The following LRRC53 variants were observed in gnomAD, a reference collection of about 807,000 sequenced individuals.
The protein encoded by LRRC53 is leucine-rich repeat-containing protein 53.
A neutral mutation model predicts 13.6 loss-of-function variants in LRRC53; 25 were observed. The observed-to-expected ratio is 1.83, with a 90% CI of 1.34 to 2.56. The LOEUF is 2.56. Ranked by LOEUF, LRRC53 falls within the 30% of genes most tolerant of loss-of-function variation. LRRC53 has a pLI of 0.00. For synonymous variants in LRRC53, 204 were observed against 109.8 expected (o/e 1.86, Z -5.37); for missense variants, 527 against 275.8 (o/e 1.91, Z -6.45).
At chr1:74,497,920 G>C (rs1275246243) in intron 1 of LRRC53, among the ~76,000 whole-genome samples, 1 of 152,142 alleles carries the variant, frequency 6.6e-6, no homozygotes, top group Non-Finnish European at 1.5e-5. Flanking sequence ...TCTAAACAGA[G>C]AGTGATACTG....
At position 74,512,467 on chromosome 1, in the gene LRRC53, T is replaced by C. The variant is rs1670278084; in HGVS notation, c.-27+59A>G. The C allele has an allele frequency of 2.0e-5, 3 of 152,010 alleles. No individual in the cohort carries two copies. The South Asian group carries it at 6.2e-4, about 32-fold the overall frequency. 9.4% of individuals were successfully genotyped at this position (152,010 alleles called of 1,614,324 possible). A position where few individuals can be genotyped will look rare whatever the true frequency, so the allele number is the denominator to read the frequency against. ...TCTTTAAATGGTGAGGAAAGAGAAATAAAGGTGTAAAAATCCAGCCATCAT... is the reference window on the plus strand; with the variant it reads ...TCTTTAAATGGTGAGGAAAGAGAAACAAAGGTGTAAAAATCCAGCCATCAT... On this transcript the variant is annotated intron_variant, in intron 1 of 4. Coordinates refer to ENST00000294635, the MANE Select transcript of LRRC53 (RefSeq NM_001382280.1).
intron 1 of LRRC53, among the ~76,000 whole-genome samples, chr1:74,490,085 A>G (rs1668986688): frequency 6.6e-6 from 1 of 151,164 alleles, no homozygotes; most frequent in African/African-American, 2.4e-5. Flanking sequence ...AACTCAACTA[A>G]GAGTCATTGG....
Position 74,480,468 on chromosome 1 carries a change from G to A in LRRC53, c.589C>T (p.Pro197Ser), listed in dbSNP as rs1269613623. ...TGCTTCAGTGGAGTAAACACATCCG[G>A]CATGTGGGCTAACCTATTTCGGGAA... ...DLSRNRLAHM[P>S]DVFTPLKQLI... Residue 197 changes from proline (P) to serine (S), a missense_variant, in exon 3 of 5, where the codon CCG becomes TCG. Coordinates refer to ENST00000294635, the MANE Select transcript of LRRC53 (RefSeq NM_001382280.1). 2.8e-6 allele frequency: 2 copies of A among 717,488 alleles called. No homozygotes were observed. Among genetic ancestry groups the A allele is most frequent in the Admixed American group, 4.0e-5 (2 of 50,028 alleles). 44.4% of individuals were successfully genotyped at this position (717,488 alleles called of 1,614,324 possible).
chr1:74,529,683 C>A, the LRRC53 span, among the ~76,000 whole-genome samples: 24 of 152,170 alleles, frequency 1.6e-4, no homozygotes, highest in Non-Finnish European at 2.9e-5. Context: ...ATTAGATTGT[C>A]AACTTATCTC....
At chr1:74,492,332 C>A in intron 1 of LRRC53, 2 of 1,389,916 alleles carry the variant, frequency 1.4e-6, no homozygotes, top group Non-Finnish European at 1.9e-6. Context: ...AGACAGTCAA[C>A]TGATTTGATT....
chr1:74,515,565 G>A (rs959337510), upstream of LRRC53, among the ~76,000 whole-genome samples: 1 of 152,100 alleles, frequency 6.6e-6, no homozygotes, highest in African/African-American at 2.4e-5. Context: ...GTCTAATTAG[G>A]GCAGAAGTCA....
chr1:74,532,690 C>G, the LRRC53 span, among the ~76,000 whole-genome samples: 1 of 147,700 alleles, frequency 6.8e-6, no homozygotes, highest in African/African-American at 2.5e-5. Flanking sequence ...GTGTCCAAAA[C>G]AGCATGGTAC....
At chr1:74,473,587 A>G (rs184401913) in intron 4 of LRRC53, among the ~76,000 whole-genome samples, 4 of 150,880 alleles carry the variant, frequency 2.7e-5, no homozygotes, top group Non-Finnish European at 4.4e-5. Context: ...ATTAACTTTT[A>G]GTAGACAGGA....
chr1:74,489,140 C>T (rs1668911608), intron 1 of LRRC53: 1 of 1,529,544 alleles, frequency 6.5e-7, no homozygotes, highest in Admixed American at 1.8e-5. Context: ...CAAAGAGAGT[C>T]TCCTTCCTTT....
intron 1 of LRRC53, among the ~76,000 whole-genome samples, chr1:74,509,333 G>A (rs17095482): frequency 0.086 from 13,015 of 152,152 alleles, 1,344 homozygotes; most frequent in African/African-American, 0.25. Flanking sequence ...ACATTTGAGG[G>A]TTTCAATTTT....
At position 74,471,294 on chromosome 1, in the gene LRRC53, A is replaced by T. The variant is rs1181282121; in HGVS notation, c.2328T>A (p.Ser776Arg). The T allele has an allele frequency of 2.5e-6, 1 of 400,288 alleles. No individual in the cohort carries two copies. The highest frequency in any genetic ancestry group is 2.1e-5 in the African/African-American group (1 of 48,578). 24.8% of individuals were successfully genotyped at this position (400,288 alleles called of 1,614,324 possible). A position where few individuals can be genotyped will look rare whatever the true frequency, so the allele number is the denominator to read the frequency against. ...CSADFLQQSESSNYVRLTSKR... is the reference protein window; with the variant it reads ...CSADFLQQSERSNYVRLTSKR... ...TTGAAGTGAGTCTAACATAGTTGCTACTCTCTGACTGTTGAAGAAAATCTG... is the reference window on the plus strand; with the variant it reads ...TTGAAGTGAGTCTAACATAGTTGCTTCTCTCTGACTGTTGAAGAAAATCTG... The change falls in exon 5 of 5, where the codon AGT (serine) becomes AGA (arginine). Residue 776 changes from serine to arginine, a missense_variant. Physicochemically the swap from Ser to Arg is moderately radical, Grantham distance 110. Coordinates refer to ENST00000294635, the MANE Select transcript of LRRC53 (RefSeq NM_001382280.1).
At chr1:74,516,279 T>A (rs1199174876), upstream of LRRC53, among the ~76,000 whole-genome samples, 2 of 152,220 alleles carry the variant, frequency 1.3e-5, no homozygotes, top group African/African-American at 4.8e-5. Flanking sequence ...GTTTGTTCAC[T>A]CATCTGCTCA....
chr1:74,479,372 CA>C (rs570670858), intron 3 of LRRC53, among the ~76,000 whole-genome samples: 1 of 152,126 alleles, frequency 6.6e-6, no homozygotes, highest in Non-Finnish European at 1.5e-5. Flanking sequence ...TTTTAAATTA[CA>C]AAAAATATAT....
At chr1:74,513,582 C>G (rs1400699486), upstream of LRRC53, among the ~76,000 whole-genome samples, 1 of 152,192 alleles carries the variant, frequency 6.6e-6, no homozygotes, top group Non-Finnish European at 1.5e-5. Context: ...AAATCTGCTT[C>G]ATCCAGAGGC....
At position 74,480,693 on chromosome 1, in the gene LRRC53, G is replaced by A. The variant is rs1191618886; in HGVS notation, c.364C>T (p.Leu122=). 14 of 717,270 alleles carry A rather than the reference G, an allele frequency of 2.0e-5. No individual in the cohort carries two copies. In the East Asian group the frequency reaches 3.2e-4, roughly 16 times the overall value. The allele number at this position is 717,270 out of a possible 1,614,324, so 44.4% of individuals were successfully genotyped here. ...LVLSNNALRT[L]RGSWFRNTSG... is the part of the protein sequence containing the mutation. ...GTGTTTCGGAACCAAGACCCTCGTA[G>A]GGTGCGGAGAGCATTATTGCTCAGC... Residue 122 remains leucine (L), a synonymous_variant, in exon 3 of 5, where the codon CTA becomes TTA. Transcript: ENST00000294635.
At chr1:74,492,344 C>G (rs1297435781) in intron 1 of LRRC53, 2 of 1,350,462 alleles carry the variant, frequency 1.5e-6, no homozygotes, top group Non-Finnish European at 1.9e-6. Flanking sequence ...GATTTGATTA[C>G]TATTAACAGG....
At chr1:74,532,328 C>G in the LRRC53 span, among the ~76,000 whole-genome samples, 1 of 152,094 alleles carries the variant, frequency 6.6e-6, no homozygotes, top group Admixed American at 6.6e-5. Flanking sequence ...GGATGTTTCT[C>G]TAAGAAGAAT....
chr1:74,485,082 A>T (rs988432816), intron 1 of LRRC53, among the ~76,000 whole-genome samples: 4 of 152,214 alleles, frequency 2.6e-5, no homozygotes, highest in African/African-American at 7.2e-5. Flanking sequence ...AAGAGTAAAT[A>T]AACCATTGTA....
In LRRC53 at chr1:74,475,189, A is replaced by G. The variant is rs45532732; in HGVS notation, c.1420+106T>C. The G allele has an allele frequency of 9.3e-4, 551 of 594,284 alleles. 2 individuals are homozygous for G. The highest frequency in any genetic ancestry group is 8.8e-3 in the African/African-American group (472 of 53,504). 36.8% of individuals were successfully genotyped at this position (594,284 alleles called of 1,614,324 possible). A position where few individuals can be genotyped will look rare whatever the true frequency, so the allele number is the denominator to read the frequency against. On this transcript the variant is annotated intron_variant, in intron 4 of 4. Coordinates refer to ENST00000294635, the MANE Select transcript of LRRC53 (RefSeq NM_001382280.1). ...TTTAGAAAAGGAATAGACTAGTGCT[A>G]TAGTGATTTTTATAGTATTTCCTGT... is the stretch of plus-strand genomic sequence containing the variant.
Sources: allele counts gnomAD v4.1 joint callset (sites outside exome capture counted in the v4.1 genomes callset), GRCh38; gene constraint gnomAD v4.1.1; transcripts MANE v1.5; gene names NCBI Gene and HGNC (gene_info 2026-07-23, HGNC 2026-07-21).